PLEKHG4B: variants seen among roughly 807,000 people sequenced by gnomAD.
PLEKHG4B encodes the protein pleckstrin homology and RhoGEF domain containing G4B.
A neutral mutation model predicts 121.3 loss-of-function variants in PLEKHG4B; 111 were observed. The ratio of observed to expected loss-of-function variants is 0.92; its 90% CI spans 0.78 to 1.07. The LOEUF is 1.07. Among genes scored for constraint, PLEKHG4B ranks in the 50% least tolerant of loss-of-function variants. PLEKHG4B has a pLI of 0.00. For missense variants in PLEKHG4B, 1,831 were observed against 1,757.8 expected, an observed-to-expected ratio of 1.04 and a Z score of -0.74; for synonymous variants, 738 against 725.0, an observed-to-expected ratio of 1.02 and a Z score of -0.29.
chr5:140,860 C>T lies in PLEKHG4B; in HGVS notation c.1477+144C>T. 5 of 534,750 alleles carry T rather than the reference C, an allele frequency of 9.4e-6. 1 individual carries two copies. The highest frequency in any genetic ancestry group is 4.0e-5 in the Admixed American group (1 of 25,294). 33.1% of individuals were successfully genotyped at this position (534,750 alleles called of 1,614,324 possible). ...CCACCACAACCTCCCCTGCACACCC[C>T]CACCCTCTCCCCTGCACACCCCCAC... is the stretch of plus-strand genomic sequence containing the variant. On this transcript the variant is annotated intron_variant, in intron 3 of 19. Coordinates refer to ENST00000637938, the MANE Select transcript of PLEKHG4B (RefSeq NM_052909.5).
rs1356688053 is a variant in PLEKHG4B, at chr5:185,440, G to A, written c.*3117G>A. ...ATGCACACAGCACTTCCCCTGGGAG[G>A]CAGGGGCTGTGCCCACAGAAGTCGT... On this transcript the variant is annotated 3_prime_UTR_variant, in exon 20 of 20. Coordinates refer to ENST00000637938, the MANE Select transcript of PLEKHG4B (RefSeq NM_052909.5). The A allele has an allele frequency of 6.6e-6, 1 of 152,232 alleles. No individual in the cohort carries two copies. Among genetic ancestry groups the A allele is most frequent in the Non-Finnish European group, 1.5e-5 (1 of 68,056 alleles). 9.4% of individuals were successfully genotyped at this position (152,232 alleles called of 1,614,324 possible).
At chr5:147,375 G>A (rs1735453847) in intron 6 of PLEKHG4B, among the ~76,000 whole-genome samples, 1 of 152,200 alleles carries the variant, frequency 6.6e-6, no homozygotes, top group Non-Finnish European at 1.5e-5. Flanking sequence ...TTGGGCACCT[G>A]GGCAGTGGTC....
At chr5:169,189 G>A (rs1380535585) in intron 13 of PLEKHG4B, 151 bp from the exon 14 acceptor site, 13 of 1,086,958 alleles carry the variant, frequency 1.2e-5, no homozygotes, top group South Asian at 3.2e-5. Flanking sequence ...CTTTTTTATC[G>A]TGCATCCCAC....
rs1736111870 is a variant in PLEKHG4B at position 163,349 on chromosome 5, A to C, written c.3277A>C (p.Ser1093Arg). ...TQSFEIPQPD[S>R]GPRDSCQPDH... ...AAGTTTCGAGATACCTCAGCCCGAC[A>C]GTGGCCCCAGGGACTCCTGCCAGCC... The change falls in exon 13 of 20, where the codon AGT (serine) becomes CGT (arginine). Residue 1093 changes from serine to arginine, a missense_variant. Ser to Arg is a moderately radical substitution (Grantham distance 110). Coordinates refer to ENST00000637938, the MANE Select transcript of PLEKHG4B (RefSeq NM_052909.5). 6.2e-7 allele frequency: 1 copy of C among 1,613,350 alleles called. No individual in the cohort carries two copies.
At chr5:141,350 C>G (rs1735194371) in intron 3 of PLEKHG4B, among the ~76,000 whole-genome samples, 1 of 145,814 alleles carries the variant, frequency 6.9e-6, no homozygotes, top group East Asian at 2.1e-4. Flanking sequence ...AGTCCAACAT[C>G]AAGCTGTGGG....
chr5:121,115 C>CG (rs1312070638), intron 2 of PLEKHG4B, among the ~76,000 whole-genome samples: 1 of 151,818 alleles, frequency 6.6e-6, no homozygotes, highest in Admixed American at 6.6e-5. Flanking sequence ...GTCATGGTGG[C>CG]GGGTGCCTGT....
chr5:108,378 C>CT (rs1378241314), intron 1 of PLEKHG4B, among the ~76,000 whole-genome samples: 1 of 152,190 alleles, frequency 6.6e-6, no homozygotes, highest in Non-Finnish European at 1.5e-5. Context: ...AACTTTTAGC[C>CT]TTAGAAGCGT....
chr5:155,595 A>G, intron 9 of PLEKHG4B, 152 bp downstream of exon 9: 1 of 660,084 alleles, frequency 1.5e-6, no homozygotes, highest in Non-Finnish European at 2.6e-6. Context: ...CTCTTAATTC[A>G]GAAAAGGCCA....
rs1175516001 is a variant in PLEKHG4B at position 183,622 on chromosome 5, A to C, written c.*1299A>C. The stretch of plus-strand genomic sequence containing the variant: ...CATGGTGTTGGCCGCCTGTAGTCCC[A>C]GCTACTTGGGAGGCTGAGGCAGGAG... On this transcript the variant is annotated 3_prime_UTR_variant, in exon 20 of 20. Transcript: ENST00000637938. 2 of 152,284 alleles carry C rather than the reference A, an allele frequency of 1.3e-5. No individual in the cohort carries two copies. Among genetic ancestry groups the C allele is most frequent in the African/African-American group, 4.8e-5 (2 of 41,446 alleles). 9.4% of individuals were successfully genotyped at this position (152,284 alleles called of 1,614,324 possible). A position where few individuals can be genotyped will look rare whatever the true frequency, so the allele number is the denominator to read the frequency against.
At chr5:161,752 C>A in intron 11 of PLEKHG4B, 31 bp from the exon 12 acceptor site, 1 of 1,613,072 alleles carries the variant, frequency 6.2e-7, no homozygotes, top group South Asian at 1.1e-5. Context: ...AAGCACCGGG[C>A]TTGTACTGAT....
chr5:108,930 A>G (rs558431193), intron 1 of PLEKHG4B, among the ~76,000 whole-genome samples: 2 of 152,354 alleles, frequency 1.3e-5, no homozygotes, highest in East Asian at 1.9e-4. Context: ...GCCAGGAGCC[A>G]TCACTGGGTC....
chr5:130,194 A>G (rs1560913361), intron 2 of PLEKHG4B, among the ~76,000 whole-genome samples: 1 of 152,254 alleles, frequency 6.6e-6, no homozygotes, highest in African/African-American at 2.4e-5. Context: ...AAAATTTACA[A>G]TTCAAAAACA....
intron 1 of PLEKHG4B, among the ~76,000 whole-genome samples, chr5:102,491 C>T (rs1252091988): frequency 3.3e-5 from 5 of 152,084 alleles, no homozygotes; most frequent in Non-Finnish European, 7.4e-5. Context: ...GTAAACACTG[C>T]AACCGCCAGT....
At chr5:144,768 T>A in intron 5 of PLEKHG4B, 59 bp from the exon 6 acceptor site, 1 of 1,466,324 alleles carries the variant, frequency 6.8e-7, no homozygotes, top group Non-Finnish European at 9.5e-7. Flanking sequence ...GTGGAGAAAC[T>A]CGTTCTTGTA....
Position 163,349 on chromosome 5 carries a change from A to G in PLEKHG4B, c.3277A>G (p.Ser1093Gly). 6.2e-7 allele frequency: 1 copy of G among 1,613,350 alleles called. No homozygotes were observed. Among genetic ancestry groups the G allele is most frequent in the Non-Finnish European group, 8.5e-7 (1 of 1,180,028 alleles). The change falls in exon 13 of 20, where the codon AGT becomes GGT. Residue 1093 changes from serine (S) to glycine (G), a missense_variant. Transcript: ENST00000637938. ...AAGTTTCGAGATACCTCAGCCCGAC[A>G]GTGGCCCCAGGGACTCCTGCCAGCC... The part of the protein sequence containing the change: ...TQSFEIPQPD[S>G]GPRDSCQPDH...
intron 14 of PLEKHG4B, 148 bp from the exon 15 acceptor site, chr5:170,895 C>G: frequency 3.2e-6 from 2 of 627,186 alleles, no homozygotes; most frequent in Non-Finnish European, 5.7e-6. Context: ...TAATGAAGGG[C>G]CGAGTCTCCC....
Position 135,677 on chromosome 5 carries a change from AAAAAAATATATATATATAT to A in PLEKHG4B, c.244-3804_244-3786del, listed in dbSNP as rs1252777654. On this transcript the variant is annotated intron_variant, in intron 2 of 19. Coordinates refer to ENST00000637938, the MANE Select transcript of PLEKHG4B (RefSeq NM_052909.5). Reference sequence around the variant, plus strand: ...CAAGACTCCATCTCAAAAAAAAAAAAAAAAAATATATATATATATATATATATATATATATATATATATA... The same window carrying A: ...CAAGACTCCATCTCAAAAAAAAAAAAATATATATATATATATATATATATA... Among the ~76,000 whole-genome samples the A allele has an allele frequency of 1.7e-3, 122 of 72,526 alleles. 4 individuals are homozygous for A. Among genetic ancestry groups the A allele is most frequent in the Admixed American group, 3.0e-3 (19 of 6,352 alleles). The allele number at this position is 72,526 out of a possible 152,430, so 47.6% of individuals were successfully genotyped here.
Position 156,266 on chromosome 5 carries a change from G to A in PLEKHG4B, c.2348+56G>A, listed in dbSNP as rs1272770477. 3 of 1,368,854 alleles carry A rather than the reference G, an allele frequency of 2.2e-6. No individual in the cohort carries two copies. The highest frequency in any genetic ancestry group is 5.7e-5 in the Admixed American group (2 of 35,260). 84.8% of individuals were successfully genotyped at this position (1,368,854 alleles called of 1,614,324 possible). A position where few individuals can be genotyped will look rare whatever the true frequency, so the allele number is the denominator to read the frequency against. On this transcript the variant is annotated intron_variant, in intron 10 of 19. Transcript: ENST00000637938. The surrounding 1 kb of genome is among the most constrained non-coding windows in gnomAD (Gnocchi z 4.4). ...TGGCCCATCGAGGGAGCTGCTCGGG[G>A]GAGTTTGCACCAGGAGGCGTAGCGC... is the stretch of plus-strand genomic sequence containing the variant.
intron 1 of PLEKHG4B, among the ~76,000 whole-genome samples, chr5:112,368 T>C (rs1579246616): frequency 6.6e-6 from 1 of 152,350 alleles, no homozygotes; most frequent in African/African-American, 2.4e-5. Context: ...AAATTATCTG[T>C]GTGATTAGCT....
Sources: gnomAD v4.1 joint callset for allele counts (sites outside exome capture counted in the v4.1 genomes callset) on GRCh38, gnomAD v4.1.1 for gene constraint, Gnocchi (gnomAD v3.1) non-coding constraint, MANE v1.5 for transcripts, NCBI Gene and HGNC (gene_info 2026-07-23, HGNC 2026-07-21) for gene names.